CDH12: variants seen among roughly 807,000 people sequenced by gnomAD.
CDH12 encodes cadherin-12.
CDH12 carries 41 observed loss-of-function variants against 74.1 expected under a neutral mutation model. The ratio of observed to expected loss-of-function variants is 0.55; its 90% CI spans 0.43 to 0.72. The LOEUF is 0.72. Ranked by LOEUF, CDH12 falls within the 30% of genes least tolerant of loss-of-function variation. CDH12 has a pLI of 0.00. For synonymous variants in CDH12, 399 were observed against 355.0 expected, an observed-to-expected ratio of 1.12 and a Z score of -1.39; for missense variants, 945 against 977.2, an observed-to-expected ratio of 0.97 and a Z score of 0.44.
chr5:22,744,517 T>C (rs895752135), intron 1 of CDH12, among the ~76,000 whole-genome samples: 5 of 152,228 alleles, frequency 3.3e-5, no homozygotes, highest in African/African-American at 1.2e-4. Flanking sequence ...ATGAAAAGTT[T>C]ATATTTTACA....
intron 3 of CDH12, among the ~76,000 whole-genome samples, chr5:22,377,557 G>A (rs1741585961): frequency 6.6e-6 from 1 of 152,074 alleles, no homozygotes; most frequent in South Asian, 2.1e-4. Context: ...TGAACCTGTT[G>A]AACTAAGTGT....
chr5:22,066,679 C>A (rs1334626851), intron 5 of CDH12, among the ~76,000 whole-genome samples: 1 of 152,166 alleles, frequency 6.6e-6, no homozygotes, highest in Non-Finnish European at 1.5e-5. Context: ...GGGGATACCA[C>A]TAGAACTCCC....
intron 1 of CDH12, among the ~76,000 whole-genome samples, chr5:22,747,696 GT>G (rs1357063664): frequency 6.6e-6 from 1 of 151,328 alleles, no homozygotes; most frequent in Non-Finnish European, 1.5e-5. Context: ...TTGAGTTCTT[GT>G]TGCTTATGAT....
intron 1 of CDH12, among the ~76,000 whole-genome samples, chr5:22,550,279 T>A (rs1036742094): frequency 6.6e-6 from 1 of 152,310 alleles, no homozygotes; most frequent in East Asian, 1.9e-4. Context: ...ATTTCATATA[T>A]CATTTGTATC....
At chr5:22,514,846 A>C (rs896110645) in intron 1 of CDH12, among the ~76,000 whole-genome samples, 1 of 152,194 alleles carries the variant, frequency 6.6e-6, no homozygotes, top group African/African-American at 2.4e-5. Context: ...CTAAGATAAG[A>C]AGAACAAGAA....
chr5:22,300,556 T>C (rs1362658773), intron 3 of CDH12, among the ~76,000 whole-genome samples: 7 of 152,234 alleles, frequency 4.6e-5, no homozygotes, highest in African/African-American at 7.2e-5. Context: ...CAGTTTTCAA[T>C]TGAAAAACGT....
chr5:22,741,995 A>G (rs923466849), intron 1 of CDH12, among the ~76,000 whole-genome samples: 2 of 152,158 alleles, frequency 1.3e-5, no homozygotes, highest in African/African-American at 2.4e-5. Flanking sequence ...AGCGTGGTCA[A>G]TATGGTGAAA....
chr5:22,487,646 T>C (rs1381986793), intron 2 of CDH12, among the ~76,000 whole-genome samples: 1 of 152,124 alleles, frequency 6.6e-6, no homozygotes, highest in African/African-American at 2.4e-5. Context: ...AATATATAAA[T>C]TAGAGATGCA....
intron 2 of CDH12, among the ~76,000 whole-genome samples, chr5:22,469,345 A>T (rs1230509764): frequency 6.6e-6 from 1 of 152,212 alleles, no homozygotes; most frequent in African/African-American, 2.4e-5. Context: ...AAGTGTTGGC[A>T]GGTTGGTTTC....
chr5:22,765,892 G>C (rs1427138063), intron 1 of CDH12, among the ~76,000 whole-genome samples: 2 of 151,622 alleles, frequency 1.3e-5, no homozygotes, highest in East Asian at 3.9e-4. Flanking sequence ...AAATAAAAAA[G>C]TATTTAATAT....
intron 5 of CDH12, among the ~76,000 whole-genome samples, chr5:21,982,570 A>C (rs551542113): frequency 5.3e-5 from 8 of 151,396 alleles, no homozygotes; most frequent in African/African-American, 1.7e-4. Flanking sequence ...CTATATATGG[A>C]TACATCTATA....
intron 1 of CDH12, among the ~76,000 whole-genome samples, chr5:22,754,239 G>A (rs530134552): frequency 2.6e-5 from 4 of 152,312 alleles, no homozygotes; most frequent in South Asian, 2.1e-4. Context: ...AAGTCATTAT[G>A]TTGTGCACCA....
At chr5:22,433,295 A>C (rs1744246574) in intron 2 of CDH12, among the ~76,000 whole-genome samples, 1 of 152,338 alleles carries the variant, frequency 6.6e-6, no homozygotes, top group Non-Finnish European at 1.5e-5. Flanking sequence ...GTGAAAAATT[A>C]AAATGTATCA....
chr5:21,912,227 T>A (rs1753887750), intron 6 of CDH12, among the ~76,000 whole-genome samples: 1 of 152,144 alleles, frequency 6.6e-6, no homozygotes, highest in South Asian at 2.1e-4. Flanking sequence ...AATATGATAT[T>A]TAAAACCAGA....
chr5:22,086,456 G>A lies in CDH12; in HGVS notation c.-186-7594C>T, dbSNP rs182561288. Among the ~76,000 whole-genome samples the A allele has an allele frequency of 2.5e-3, 380 of 152,124 alleles. 2 individuals carry two copies. The highest frequency in any genetic ancestry group is 8.7e-3 in the African/African-American group (360 of 41,520). The stretch of plus-strand genomic sequence containing the variant: ...GCCTCCCGGGTTTAAACAATTCTCT[G>A]CCTCAGCCTCCTGAGTAGCTGGGAT... On this transcript the variant is annotated intron_variant, in intron 4 of 14. Transcript: ENST00000382254.
intron 1 of CDH12, among the ~76,000 whole-genome samples, chr5:22,793,501 T>C (rs933485843): frequency 2.6e-5 from 4 of 152,194 alleles, no homozygotes; most frequent in East Asian, 1.9e-4. Flanking sequence ...CTGACACCAT[T>C]GTATACTGTC....
At chr5:22,117,523 A>AT (rs1347655379) in intron 4 of CDH12, among the ~76,000 whole-genome samples, 14 of 65,562 alleles carry the variant, frequency 2.1e-4, no homozygotes, top group African/African-American at 6.6e-4. Flanking sequence ...ATATATATAT[A>AT]ATATATATAT....
At chr5:22,728,879 T>C (rs1023324072) in intron 1 of CDH12, among the ~76,000 whole-genome samples, 1 of 151,796 alleles carries the variant, frequency 6.6e-6, no homozygotes, top group East Asian at 1.9e-4. Context: ...CCTAGTACCA[T>C]ACCATTGATG....
chr5:21,800,495 G>C (rs1008442228), intron 10 of CDH12, among the ~76,000 whole-genome samples: 3 of 152,082 alleles, frequency 2.0e-5, no homozygotes, highest in Non-Finnish European at 4.4e-5. Flanking sequence ...CATTACAAAA[G>C]GGACTCTAGA....
Sources: allele counts gnomAD v4.1 joint callset (sites outside exome capture counted in the v4.1 genomes callset), GRCh38; gene constraint gnomAD v4.1.1; transcripts MANE v1.5; gene names NCBI Gene and HGNC (gene_info 2026-07-23, HGNC 2026-07-21).